Variants in TMEM45A observed in about 807,000 individuals in gnomAD.
TMEM45A encodes DNA polymerase-transactivated protein 4.
TMEM45A carries 25 observed loss-of-function variants against 32.0 expected under a neutral mutation model. The observed-to-expected ratio is 0.78, with a 90% CI of 0.57 to 1.09. The LOEUF (loss-of-function observed/expected upper bound fraction) is 1.09. Ranked by LOEUF, TMEM45A falls within the 50% of genes least tolerant of loss-of-function variation. TMEM45A has a pLI of 0.00. For missense variants in TMEM45A, 302 were observed against 325.0 expected, an observed-to-expected ratio of 0.93 and a Z score of 0.54; for synonymous variants, 122 against 114.8, an observed-to-expected ratio of 1.06 and a Z score of -0.40.
At position 100,577,078 on chromosome 3, in the gene TMEM45A, T is replaced by C; in HGVS notation, c.*60T>C. ...TTTCTTTTTTACATTGTTCTTGGTTTTGTTTCTCGATCTTTTGTTTGGAGA... is the reference window on the plus strand; with the variant it reads ...TTTCTTTTTTACATTGTTCTTGGTTCTGTTTCTCGATCTTTTGTTTGGAGA... On this transcript the variant is annotated 3_prime_UTR_variant, in exon 6 of 6. Transcript: ENST00000323523. 1.4e-6 allele frequency: 2 copies of C among 1,410,006 alleles called. No homozygotes were observed. Among genetic ancestry groups the C allele is most frequent in the Non-Finnish European group, 2.0e-6 (2 of 1,014,764 alleles). The allele number at this position is 1,410,006 out of a possible 1,614,324, so 87.3% of individuals were successfully genotyped here. A position where few individuals can be genotyped will look rare whatever the true frequency, so the allele number is the denominator to read the frequency against.
chr3:100,538,950 A>G (rs545526783), intron 1 of TMEM45A, among the ~76,000 whole-genome samples: 8 of 152,244 alleles, frequency 5.3e-5, no homozygotes, highest in African/African-American at 1.9e-4. Context: ...AAAAAATCAA[A>G]GATCTAAATA....
At chr3:100,509,982 T>A (rs1266333589) in intron 1 of TMEM45A, among the ~76,000 whole-genome samples, 1 of 152,212 alleles carries the variant, frequency 6.6e-6, no homozygotes, top group Non-Finnish European at 1.5e-5. Context: ...CCACGGAGTC[T>A]TGCTGATTGC....
intron 1 of TMEM45A, among the ~76,000 whole-genome samples, chr3:100,517,192 T>C (rs1469839227): frequency 6.6e-6 from 1 of 152,136 alleles, no homozygotes; most frequent in Non-Finnish European, 1.5e-5. Flanking sequence ...TCTGGGATTA[T>C]TGCAACCTCC....
chr3:100,508,671 C>G (rs771390335), intron 1 of TMEM45A, among the ~76,000 whole-genome samples: 11 of 152,190 alleles, frequency 7.2e-5, no homozygotes, highest in Non-Finnish European at 1.6e-4. Flanking sequence ...TTACAGTCAA[C>G]TGATTTTCAA....
At chr3:100,533,245 A>G (rs1479139040) in intron 1 of TMEM45A, among the ~76,000 whole-genome samples, 1 of 149,578 alleles carries the variant, frequency 6.7e-6, no homozygotes, top group Non-Finnish European at 1.5e-5. Context: ...CTTACAAAAG[A>G]AAAAAAAAAG....
At chr3:100,498,841 C>T (rs1466676059) in intron 1 of TMEM45A, among the ~76,000 whole-genome samples, 2 of 152,274 alleles carry the variant, frequency 1.3e-5, no homozygotes, top group Middle Eastern at 3.4e-3. Flanking sequence ...ATCCCTACAG[C>T]AGTACACAAG....
intron 4 of TMEM45A, 44 bp from the exon 5 acceptor site, chr3:100,568,778 T>A (rs370916284): frequency 6.4e-7 from 1 of 1,550,456 alleles, no homozygotes; most frequent in Non-Finnish European, 8.8e-7. Flanking sequence ...TTTTTGGGAA[T>A]GTGATTGGTT....
At chr3:100,565,069 A>C (rs899881941) in intron 4 of TMEM45A, among the ~76,000 whole-genome samples, 2 of 152,234 alleles carry the variant, frequency 1.3e-5, no homozygotes, top group Non-Finnish European at 2.9e-5. Flanking sequence ...TTTTGGAGCC[A>C]GAAACTACTG....
intron 1 of TMEM45A, among the ~76,000 whole-genome samples, chr3:100,551,980 G>C (rs1183468866): frequency 2.0e-5 from 3 of 152,136 alleles, no homozygotes; most frequent in South Asian, 2.1e-4. Context: ...CTCAGCTTTG[G>C]GGGCAGCAGG....
intron 5 of TMEM45A, chr3:100,571,499 T>C (rs996992185): frequency 6.6e-6 from 1 of 152,218 alleles, no homozygotes; most frequent in Non-Finnish European, 1.5e-5. Flanking sequence ...GTGATCTTAA[T>C]AGCTACTTAA....
chr3:100,510,060 C>G (rs139682669), intron 1 of TMEM45A, among the ~76,000 whole-genome samples: 10,310 of 152,264 alleles, frequency 0.068, 1,193 homozygotes, highest in African/African-American at 0.23. Context: ...CCGCCATTGT[C>G]CAGGCTTGCT....
chr3:100,506,743 C>T (rs1708085417), intron 1 of TMEM45A, among the ~76,000 whole-genome samples: 1 of 152,118 alleles, frequency 6.6e-6, no homozygotes, highest in African/African-American at 2.4e-5. Flanking sequence ...GAGGTTGGAG[C>T]TAAGAGTCGT....
chr3:100,546,637 G>A (rs964239913), intron 1 of TMEM45A, among the ~76,000 whole-genome samples: 1 of 152,214 alleles, frequency 6.6e-6, no homozygotes, highest in African/African-American at 2.4e-5. Context: ...TTTGACTACA[G>A]TGGTGGTAAG....
At chr3:100,552,534 G>C (rs189415186) in intron 1 of TMEM45A, among the ~76,000 whole-genome samples, 2 of 152,320 alleles carry the variant, frequency 1.3e-5, no homozygotes, top group East Asian at 3.9e-4. Flanking sequence ...CCAAACTCTA[G>C]GATGATGTTC....
At position 100,506,508 on chromosome 3, in the gene TMEM45A, A is replaced by G. The variant is rs551198111; in HGVS notation, c.-4+13580A>G. Among the ~76,000 whole-genome samples the G allele has an allele frequency of 1.0e-3, 159 of 152,338 alleles. 1 individual carries two copies. The highest frequency in any genetic ancestry group is 3.5e-3 in the African/African-American group (147 of 41,574). ...CATTTTTGTACCCTTAAAGAGTCCA[A>G]CAGTTTAAACCTTCAGTGTAACATT... On this transcript the variant is annotated intron_variant, in intron 1 of 5. Transcript: ENST00000323523.
chr3:100,497,812 A>G (rs954187008), intron 1 of TMEM45A, among the ~76,000 whole-genome samples: 2 of 152,176 alleles, frequency 1.3e-5, no homozygotes, highest in African/African-American at 4.8e-5. Context: ...ATTCATTGGT[A>G]GAGGGACTTA....
chr3:100,563,746 C>T (rs188119469), intron 4 of TMEM45A, among the ~76,000 whole-genome samples: 1 of 152,216 alleles, frequency 6.6e-6, no homozygotes, highest in African/African-American at 2.4e-5. Context: ...TGCCTTCTTC[C>T]GGGGGCTTCA....
At chr3:100,576,020 T>C (rs528932467) in intron 5 of TMEM45A, among the ~76,000 whole-genome samples, 1 of 152,256 alleles carries the variant, frequency 6.6e-6, no homozygotes, top group African/African-American at 2.4e-5. Flanking sequence ...GTTTTAGAAA[T>C]GATCAAAGTT....
intron 1 of TMEM45A, among the ~76,000 whole-genome samples, chr3:100,521,971 T>A (rs1362444701): frequency 6.6e-6 from 1 of 152,196 alleles, no homozygotes; most frequent in Non-Finnish European, 1.5e-5. Flanking sequence ...TTTCCTAACA[T>A]CCCAAGTCCT....
Sources: gnomAD v4.1 joint callset for allele counts (sites outside exome capture counted in the v4.1 genomes callset) on GRCh38, gnomAD v4.1.1 for gene constraint, MANE v1.5 for transcripts, NCBI Gene and HGNC (gene_info 2026-07-23, HGNC 2026-07-21) for gene names.